Variants in PLXNC1 observed in about 807,000 individuals in gnomAD.
The protein encoded by PLXNC1 is plexin C1, also known as plexin-C1.
Under a neutral mutation model 178.2 loss-of-function variants are expected in PLXNC1, and 75 were observed. That is an observed-to-expected ratio of 0.42 (90% CI 0.35 to 0.51). The LOEUF is 0.51. Among genes scored for constraint, PLXNC1 ranks in the 20% least tolerant of loss-of-function variants. PLXNC1 has a pLI of 0.02. For missense variants in PLXNC1, 1,503 were observed against 1,984.4 expected (o/e 0.76, Z 4.61); for synonymous variants, 790 against 779.9 (o/e 1.01, Z -0.22).
chr12:94,250,630 C>T (rs563348398), intron 14 of PLXNC1, among the ~76,000 whole-genome samples: 33 of 152,258 alleles, frequency 2.2e-4, no homozygotes, highest in African/African-American at 7.9e-4. Flanking sequence ...ACAAGTTTCA[C>T]AAAATATAAC....
intron 4 of PLXNC1, among the ~76,000 whole-genome samples, chr12:94,207,170 C>T (rs1963325192): frequency 6.6e-6 from 1 of 151,910 alleles, no homozygotes; most frequent in Non-Finnish European, 1.5e-5. Flanking sequence ...TTTATTTTTT[C>T]ATTTTTTATT....
Position 94,251,521 on chromosome 12 carries a change from C to T in PLXNC1, c.2874C>T (p.Val958=). The change falls in exon 15 of 31, where the codon GTC becomes GTT. Residue 958 remains valine (V), a synonymous_variant. Transcript: ENST00000258526. ...LIVLPVLLVI[V]IFAAVGVTRH... ...TGCTCCCTGTCTTGCTAGTGATTGTCATTTTTGGTAAGTGCCCTGTTTAAT... is the reference window on the plus strand; with the variant it reads ...TGCTCCCTGTCTTGCTAGTGATTGTTATTTTTGGTAAGTGCCCTGTTTAAT... The T allele has an allele frequency of 6.3e-7, 1 of 1,597,368 alleles. No individual in the cohort carries two copies. Among genetic ancestry groups the T allele is most frequent in the East Asian group, 2.2e-5 (1 of 44,802 alleles).
At chr12:94,240,705 A>C in intron 11 of PLXNC1, 41 bp downstream of exon 11, 1 of 1,416,636 alleles carries the variant, frequency 7.1e-7, no homozygotes, top group Non-Finnish European at 9.9e-7. Flanking sequence ...TTGTGGTTAA[A>C]GGTCATATGC....
chr12:94,273,573 A>C (rs1418579540), intron 21 of PLXNC1, among the ~76,000 whole-genome samples: 2 of 152,096 alleles, frequency 1.3e-5, no homozygotes, highest in African/African-American at 2.4e-5. Flanking sequence ...GTACCTCTCT[A>C]AATCCCTAAA....
intron 2 of PLXNC1, 62 bp downstream of exon 2, chr12:94,169,355 A>T: frequency 7.0e-7 from 1 of 1,435,082 alleles, no homozygotes; most frequent in Non-Finnish European, 9.4e-7. Context: ...ACTTTAAAAA[A>T]ACATTTTTTT....
rs749228338 is a variant in PLXNC1 at position 94,304,000 on chromosome 12, A to G, written c.4551A>G (p.Glu1517=). ...ESKKHENEFN[E]EVALTEIYKY... ...AGAAACATGAAAATGAATTTAATGA[A>G]GAAGTGGCCTTGACAGAAATTTACA... The change falls in exon 30 of 31, where the codon GAA becomes GAG. Residue 1517 remains glutamate, a synonymous_variant. Coordinates refer to ENST00000258526, the MANE Select transcript of PLXNC1 (RefSeq NM_005761.3). 7.5e-6 allele frequency: 12 copies of G among 1,599,514 alleles called. No individual in the cohort carries two copies. The highest frequency in any genetic ancestry group is 8.6e-6 in the Non-Finnish European group (10 of 1,167,464).
In PLXNC1 at chr12:94,297,427, C is replaced by A; in HGVS notation, c.4074+4C>A. Reference sequence around the variant, plus strand: ...GACAAAGCTGCTGTCGACCAAGGTACACTTACTGTTCTGGGAGCACTTTAT... The same window carrying A: ...GACAAAGCTGCTGTCGACCAAGGTAAACTTACTGTTCTGGGAGCACTTTAT... On this transcript the variant is annotated splice_donor_region_variant and intron_variant, in intron 26 of 30. Transcript: ENST00000258526. 1.2e-6 allele frequency: 2 copies of A among 1,602,918 alleles called. No individual in the cohort carries two copies. The highest frequency in any genetic ancestry group is 1.7e-6 in the Non-Finnish European group (2 of 1,170,772).
chr12:94,278,698 A>T (rs753783674), intron 21 of PLXNC1, among the ~76,000 whole-genome samples: 4 of 152,178 alleles, frequency 2.6e-5, no homozygotes, highest in Non-Finnish European at 5.9e-5. Flanking sequence ...GCTGCATATT[A>T]AAAAAGTGAC....
chr12:94,260,807 C>G lies in PLXNC1; in HGVS notation c.3417C>G (p.Asn1139Lys). 1 of 1,614,222 alleles carries G rather than the reference C, an allele frequency of 6.2e-7. No individual in the cohort carries two copies. The highest frequency in any genetic ancestry group is 8.5e-7 in the Non-Finnish European group (1 of 1,180,032). Residue 1139 changes from asparagine (N) to lysine (K), a missense_variant, in exon 20 of 31, where the codon AAC (asparagine) becomes AAG (lysine). Physicochemically the swap from Asn to Lys is moderately conservative, Grantham distance 94. Transcript: ENST00000258526. The surrounding 1 kb of genome is among the most constrained non-coding windows in gnomAD (Gnocchi z 4.4). ...TESVVEKLLT[N>K]WMSVCLSGFL... ...CCGTCGTCGAAAAACTCCTCACAAA[C>G]TGGATGTCCGTCTGCCTTTCTGGAT...
At position 94,303,834 on chromosome 12, in the gene PLXNC1, A is replaced by C. The variant is rs772973759; in HGVS notation, c.4465A>C (p.Ile1489Leu). Residue 1489 changes from isoleucine (I) to leucine (L), a missense_variant, in exon 29 of 31, where the codon ATC (isoleucine) becomes CTC (leucine). Around this residue, in one of 4 missense-constraint regions of PLXNC1, gnomAD observed 639 missense variants for 979.7 expected, o/e 0.65. Transcript: ENST00000258526. Reference sequence around the variant, plus strand: ...AGAAGTAAAATCTTATTACAAAGCAATCAGGGATTTGCCTCCATTGTCATC... The same window carrying C: ...AGAAGTAAAATCTTATTACAAAGCACTCAGGGATTTGCCTCCATTGTCATC... ...KEEVKSYYKA[I>L]RDLPPLSSSE... The C allele has an allele frequency of 1.2e-6, 2 of 1,611,980 alleles. No individual in the cohort carries two copies. Among genetic ancestry groups the C allele is most frequent in the Non-Finnish European group, 8.5e-7 (1 of 1,179,088 alleles).
chr12:94,297,279 G>A, intron 25 of PLXNC1, 37 bp from the exon 26 acceptor site: 1 of 1,612,276 alleles, frequency 6.2e-7, no homozygotes, highest in African/African-American at 1.3e-5. Context: ...AGCAAGAGTG[G>A]TCTCCTTGGG....
intron 21 of PLXNC1, among the ~76,000 whole-genome samples, chr12:94,267,831 C>T (rs1312206520): frequency 3.9e-5 from 6 of 152,138 alleles, no homozygotes; most frequent in African/African-American, 1.4e-4. Flanking sequence ...TTCTTTCTTC[C>T]TCCCTTCCCT....
chr12:94,229,197 A>G (rs904730971), intron 9 of PLXNC1, among the ~76,000 whole-genome samples: 3 of 152,160 alleles, frequency 2.0e-5, no homozygotes, highest in Non-Finnish European at 2.9e-5. Flanking sequence ...GGCCATTTGT[A>G]TATCTTCTCT....
At chr12:94,200,150 T>C (rs922413836) in intron 4 of PLXNC1, among the ~76,000 whole-genome samples, 13 of 152,226 alleles carry the variant, frequency 8.5e-5, no homozygotes, top group Non-Finnish European at 1.5e-4. Context: ...TCAGCCTCCG[T>C]GCTACTTACC....
chr12:94,216,987 A>C (rs1019092164), intron 5 of PLXNC1, among the ~76,000 whole-genome samples: 1 of 152,168 alleles, frequency 6.6e-6, no homozygotes, highest in Non-Finnish European at 1.5e-5. Flanking sequence ...CCTGGACCCC[A>C]AGTTACGCAA....
chr12:94,263,132 T>C (rs746458604), intron 20 of PLXNC1, among the ~76,000 whole-genome samples: 11 of 152,122 alleles, frequency 7.2e-5, no homozygotes, highest in Non-Finnish European at 1.3e-4. Flanking sequence ...TGTTTAGTGG[T>C]GACAGAGAAA....
intron 23 of PLXNC1, among the ~76,000 whole-genome samples, chr12:94,291,188 C>T (rs1477761536): frequency 6.6e-6 from 1 of 152,200 alleles, no homozygotes; most frequent in Non-Finnish European, 1.5e-5. Context: ...AGAGGCCTGC[C>T]TTTGTCAAAT....
chr12:94,195,746 T>C (rs1293427324), intron 4 of PLXNC1, among the ~76,000 whole-genome samples: 2 of 152,326 alleles, frequency 1.3e-5, no homozygotes, highest in East Asian at 1.9e-4. Context: ...ACGCATGAGA[T>C]CGTGAAAGAG....
At chr12:94,300,865 C>CA (rs1324263910) in intron 27 of PLXNC1, 45 bp from the exon 28 acceptor site, 1 of 1,573,214 alleles carries the variant, frequency 6.4e-7, no homozygotes, top group South Asian at 1.1e-5. Context: ...CCATTGGCTT[C>CA]ATGAATGGCC....
Sources: gnomAD v4.1 joint callset for allele counts (sites outside exome capture counted in the v4.1 genomes callset) on GRCh38, gnomAD v4.1.1 for gene constraint, gnomAD v4.1.1 regional missense constraint, Gnocchi (gnomAD v3.1) non-coding constraint, MANE v1.5 for transcripts, NCBI Gene and HGNC (gene_info 2026-07-23, HGNC 2026-07-21) for gene names.